MTUS2: variants seen among roughly 807,000 people sequenced by gnomAD.
The protein encoded by MTUS2 is microtubule-associated tumor suppressor candidate 2.
In MTUS2, 40 loss-of-function variants were observed where a neutral mutation model predicts 114.1. The ratio of observed to expected loss-of-function variants is 0.35; its 90% CI spans 0.27 to 0.46. The LOEUF (loss-of-function observed/expected upper bound fraction) is 0.46, where lower values mean the gene tolerates loss of function less well. Among genes scored for constraint, MTUS2 ranks in the 20% least tolerant of loss-of-function variants. The probability of loss-of-function intolerance (pLI) is 1.00; values close to 1 mark genes in which losing one functional copy is unlikely to be tolerated. For synonymous variants in MTUS2, 688 were observed against 672.0 expected (o/e 1.02, Z -0.37); for missense variants, 1,679 against 1,705.4 (o/e 0.98, Z 0.27).
intron 4 of MTUS2, among the ~76,000 whole-genome samples, chr13:29,093,391 C>T (rs1028365404): frequency 1.3e-4 from 20 of 152,018 alleles, no homozygotes; most frequent in Non-Finnish European, 2.5e-4. Context: ...TGCAGTGAGC[C>T]GAGATCATGC....
intron 7 of MTUS2, among the ~76,000 whole-genome samples, chr13:29,333,254 A>G (rs972976378): frequency 6.6e-6 from 1 of 151,900 alleles, no homozygotes; most frequent in Admixed American, 6.6e-5. Flanking sequence ...CGGGATTGCA[A>G]TGGTGTGATC....
Position 28,839,623 on chromosome 13 carries a change from A to G in MTUS2, c.-315-155A>G, listed in dbSNP as rs577142223. 9.5e-4 allele frequency among the ~76,000 whole-genome samples: 144 copies of G among 152,352 alleles called. 2 individuals are homozygous for G. In the South Asian group the frequency reaches 0.029, roughly 31 times the overall value. On this transcript the variant is annotated intron_variant, in intron 1 of 15. Transcript: ENST00000612955. Reference sequence around the variant, plus strand: ...ATGGTGAGTTGATGAAGCAACTCCAATTATGAAGAGTTTGTGGTATAATTG... The same window carrying G: ...ATGGTGAGTTGATGAAGCAACTCCAGTTATGAAGAGTTTGTGGTATAATTG...
intron 4 of MTUS2, among the ~76,000 whole-genome samples, chr13:29,063,133 C>A (rs2138655301): frequency 6.6e-6 from 1 of 152,234 alleles, no homozygotes. Context: ...TTAGAATCCT[C>A]ATTTCTAAGA....
At chr13:29,448,651 A>G (rs1878457326) in intron 9 of MTUS2, among the ~76,000 whole-genome samples, 1 of 150,214 alleles carries the variant, frequency 6.7e-6, no homozygotes, top group African/African-American at 2.5e-5. Context: ...ACTGGTTTTC[A>G]TCTTCCTTCT....
intron 4 of MTUS2, among the ~76,000 whole-genome samples, chr13:29,092,042 A>G (rs1889976630): frequency 6.6e-6 from 1 of 152,162 alleles, no homozygotes; most frequent in Non-Finnish European, 1.5e-5. Flanking sequence ...TCAGCCAAAA[A>G]TTTGGTTTAG....
intron 4 of MTUS2, among the ~76,000 whole-genome samples, chr13:29,070,677 G>C (rs1288639984): frequency 1.9e-5 from 2 of 103,120 alleles, no homozygotes. Context: ...TTGTTAAACT[G>C]TTTGAAACTT....
intron 6 of MTUS2, among the ~76,000 whole-genome samples, chr13:29,321,514 G>A (rs1485549434): frequency 6.6e-6 from 1 of 152,192 alleles, no homozygotes; most frequent in African/African-American, 2.4e-5. Flanking sequence ...AGTTCTCCAG[G>A]TAGCCTTGTG....
chr13:29,161,789 T>A (rs1286876653), intron 5 of MTUS2, among the ~76,000 whole-genome samples: 1 of 152,240 alleles, frequency 6.6e-6, no homozygotes, highest in East Asian at 1.9e-4. Context: ...TCCTCTGTCA[T>A]GGCTGGCAGC....
At chr13:29,288,115 G>A (rs1566111413) in intron 6 of MTUS2, among the ~76,000 whole-genome samples, 2 of 152,142 alleles carry the variant, frequency 1.3e-5, no homozygotes, top group Non-Finnish European at 1.5e-5. Flanking sequence ...GAGGTGCCTG[G>A]GAAACCTCCA....
intron 5 of MTUS2, among the ~76,000 whole-genome samples, chr13:29,214,316 G>T (rs1358880427): frequency 2.6e-5 from 4 of 151,750 alleles, no homozygotes; most frequent in African/African-American, 7.2e-5. Context: ...TTTCCAATTT[G>T]CCCCAGTCTC....
chr13:29,008,807 G>T (rs529825080), intron 2 of MTUS2, among the ~76,000 whole-genome samples: 2 of 152,058 alleles, frequency 1.3e-5, no homozygotes, highest in East Asian at 3.9e-4. Context: ...GCTGTGCTTT[G>T]CATATTGTAA....
At chr13:28,995,156 G>T (rs1885040286) in intron 2 of MTUS2, among the ~76,000 whole-genome samples, 1 of 152,180 alleles carries the variant, frequency 6.6e-6, no homozygotes, top group Admixed American at 6.5e-5. Context: ...ATTAAATAGG[G>T]AATCATTTCC....
At chr13:29,408,049 A>C (rs1176254211) in intron 8 of MTUS2, among the ~76,000 whole-genome samples, 1 of 152,108 alleles carries the variant, frequency 6.6e-6, no homozygotes, top group Admixed American at 6.5e-5. Context: ...TACCAATTAG[A>C]AATAGTTTCT....
chr13:29,123,969 A>G (rs774893906), intron 5 of MTUS2, among the ~76,000 whole-genome samples: 140 of 152,320 alleles, frequency 9.2e-4, no homozygotes, highest in Middle Eastern at 3.4e-3. Flanking sequence ...GCTTAGGTCA[A>G]CACACCATTG....
At chr13:29,483,734 G>C (rs1318894745) in intron 10 of MTUS2, among the ~76,000 whole-genome samples, 1 of 152,128 alleles carries the variant, frequency 6.6e-6, no homozygotes, top group African/African-American at 2.4e-5. Flanking sequence ...TTATTTTAAA[G>C]GTGCAATTAT....
chr13:29,485,537 A>G lies in MTUS2; in HGVS notation c.3400-2363A>G, dbSNP rs1881545776. On this transcript the variant is annotated intron_variant, in intron 10 of 15. Transcript: ENST00000612955. ...TCCTAACATACTGGGCATTTCTCTAATTCCATATGAACTTTTGGAGTTAAG... is the reference window on the plus strand; with the variant it reads ...TCCTAACATACTGGGCATTTCTCTAGTTCCATATGAACTTTTGGAGTTAAG... Among the ~76,000 whole-genome samples the G allele has an allele frequency of 2.6e-5, 4 of 152,206 alleles. No homozygotes were observed. In the South Asian group the frequency reaches 6.2e-4, roughly 24 times the overall value.
At chr13:29,227,446 G>T (rs546702473) in intron 5 of MTUS2, among the ~76,000 whole-genome samples, 1 of 152,152 alleles carries the variant, frequency 6.6e-6, no homozygotes, top group Non-Finnish European at 1.5e-5. Flanking sequence ...GGGGCTCGCT[G>T]TCTTAAGCTG....
intron 2 of MTUS2, among the ~76,000 whole-genome samples, chr13:28,993,977 G>A (rs1044340697): frequency 3.3e-5 from 5 of 151,976 alleles, no homozygotes; most frequent in Admixed American, 1.3e-4. Context: ...ATGTATACAC[G>A]TGCCATGTTG....
intron 6 of MTUS2, among the ~76,000 whole-genome samples, chr13:29,312,759 A>G (rs1341079131): frequency 6.6e-6 from 1 of 152,202 alleles, no homozygotes; most frequent in Non-Finnish European, 1.5e-5. Flanking sequence ...CTGATTCCCC[A>G]AGAGAACTGG....
Sources: gnomAD v4.1 joint callset for allele counts (sites outside exome capture counted in the v4.1 genomes callset) on GRCh38, gnomAD v4.1.1 for gene constraint, MANE v1.5 for transcripts, NCBI Gene and HGNC (gene_info 2026-07-23, HGNC 2026-07-21) for gene names.